Variants in CDK5RAP2 observed in about 807,000 individuals in gnomAD.
CDK5RAP2 encodes the protein CDK5 regulatory subunit-associated protein 2.
A neutral mutation model predicts 232.9 loss-of-function variants in CDK5RAP2; 147 were observed. The observed-to-expected ratio is 0.63, with a 90% confidence interval of 0.55 to 0.72. CDK5RAP2 has a LOEUF of 0.72. Ranked by LOEUF, CDK5RAP2 falls within the 30% of genes least tolerant of loss-of-function variation. The probability of loss-of-function intolerance (pLI) is 0.00; values close to 1 mark genes in which losing one functional copy is unlikely to be tolerated. For missense variants in CDK5RAP2, 2,195 were observed against 2,231.5 expected, an observed-to-expected ratio of 0.98 and a Z score of 0.33; for synonymous variants, 833 against 833.7, an observed-to-expected ratio of 1.00 and a Z score of 0.01.
At chr9:120,566,483 A>C (rs1315024016) in intron 3 of CDK5RAP2, among the ~76,000 whole-genome samples, 18 of 152,228 alleles carry the variant, frequency 1.2e-4, no homozygotes, top group Admixed American at 1.2e-3. Context: ...GTCATCAAGA[A>C]CACATCTGAA....
intron 25 of CDK5RAP2, among the ~76,000 whole-genome samples, chr9:120,427,310 T>C (rs1009023964): frequency 6.6e-6 from 1 of 152,242 alleles, no homozygotes; most frequent in African/African-American, 2.4e-5. Context: ...CAAATTTGCA[T>C]TGTGCCACAT....
intron 11 of CDK5RAP2, among the ~76,000 whole-genome samples, chr9:120,520,658 A>C (rs12377114): frequency 0.17 from 26,124 of 150,990 alleles, 2,330 homozygotes; most frequent in Middle Eastern, 0.25. Context: ...ATATATATAT[A>C]TCTCTCTCTC....
chr9:120,394,329 G>GGT (rs1360317322), intron 36 of CDK5RAP2, among the ~76,000 whole-genome samples, 183 bp downstream of exon 36: 1 of 152,142 alleles, frequency 6.6e-6, no homozygotes, highest in Non-Finnish European at 1.5e-5. Context: ...GCTCTACAAA[G>GGT]GTGTGTTAAG....
intron 12 of CDK5RAP2, among the ~76,000 whole-genome samples, chr9:120,514,190 G>A (rs1014979666): frequency 2.6e-5 from 4 of 152,230 alleles, no homozygotes; most frequent in Non-Finnish European, 4.4e-5. Context: ...TGTAAAGGTA[G>A]TCACGATGAG....
chr9:120,408,144 G>A, intron 31 of CDK5RAP2: 1 of 654,882 alleles, frequency 1.5e-6, no homozygotes. Context: ...GCTGGCCTGG[G>A]TGCTGAGCCT....
At position 120,521,180 on chromosome 9, in the gene CDK5RAP2, T is replaced by C. The variant is rs568435940; in HGVS notation, c.1093-2535A>G. Reference sequence around the variant, plus strand: ...CAAGAATTTGAAAAACAGACCAAAGTACTCTGTTTTTGTCCAAATACCACC... The same window carrying C: ...CAAGAATTTGAAAAACAGACCAAAGCACTCTGTTTTTGTCCAAATACCACC... On this transcript the variant is annotated intron_variant, in intron 11 of 37. Transcript: ENST00000349780. Among the ~76,000 whole-genome samples, 4 of 152,280 alleles carry C rather than the reference T, an allele frequency of 2.6e-5. No homozygotes were observed. The South Asian group carries it at 8.3e-4, about 32-fold the overall frequency.
intron 18 of CDK5RAP2, among the ~76,000 whole-genome samples, chr9:120,466,187 C>T (rs1287030446): frequency 6.6e-6 from 1 of 152,194 alleles, no homozygotes; most frequent in East Asian, 1.9e-4. Flanking sequence ...AGTCATGCTG[C>T]TTGGGAAATG....
At chr9:120,504,187 G>C (rs1454691289) in intron 12 of CDK5RAP2, among the ~76,000 whole-genome samples, 2 of 152,108 alleles carry the variant, frequency 1.3e-5, no homozygotes, top group African/African-American at 2.4e-5. Flanking sequence ...TTTGGGAAAA[G>C]GGAGGGTGTG....
chr9:120,513,948 T>C (rs1164792946), intron 12 of CDK5RAP2, among the ~76,000 whole-genome samples: 1 of 152,196 alleles, frequency 6.6e-6, no homozygotes, highest in Middle Eastern at 3.2e-3. Context: ...GCTCCACCTG[T>C]ACATTTATCC....
intron 12 of CDK5RAP2, among the ~76,000 whole-genome samples, chr9:120,504,631 G>A (rs1021324323): frequency 3.9e-5 from 6 of 152,118 alleles, no homozygotes; most frequent in Admixed American, 2.6e-4. Flanking sequence ...TGATCATTAC[G>A]TCTCTGCTCG....
At chr9:120,530,326 T>G (rs1245365671) in intron 7 of CDK5RAP2, among the ~76,000 whole-genome samples, 186 bp from the exon 8 acceptor site, 1 of 152,166 alleles carries the variant, frequency 6.6e-6, no homozygotes, top group African/African-American at 2.4e-5. Context: ...ACTGGTCCCC[T>G]GCCTGCCTCC....
intron 36 of CDK5RAP2, among the ~76,000 whole-genome samples, chr9:120,393,051 C>T (rs1394202471): frequency 6.6e-6 from 1 of 152,200 alleles, no homozygotes; most frequent in Non-Finnish European, 1.5e-5. Context: ...TAAGCATGTC[C>T]CTGAGCACTC....
chr9:120,440,173 T>C (rs1415314632), intron 23 of CDK5RAP2: 4 of 606,924 alleles, frequency 6.6e-6, no homozygotes, highest in Non-Finnish European at 2.9e-6. Context: ...GCCCTAGTCT[T>C]TCCCTCTTTA....
chr9:120,408,813 C>T (rs2033656839), intron 30 of CDK5RAP2, among the ~76,000 whole-genome samples: 2 of 152,260 alleles, frequency 1.3e-5, no homozygotes, highest in Admixed American at 1.3e-4. Flanking sequence ...GCCCATTCTG[C>T]CTGAAATGAT....
intron 25 of CDK5RAP2, among the ~76,000 whole-genome samples, chr9:120,434,523 G>A (rs2035462951): frequency 6.6e-6 from 1 of 152,308 alleles, no homozygotes; most frequent in South Asian, 2.1e-4. Flanking sequence ...ATGCACTACA[G>A]TGAGACAAGG....
At chr9:120,468,124 CTAG>C in intron 17 of CDK5RAP2, 127 bp from the exon 18 acceptor site, 7 of 887,864 alleles carry the variant, frequency 7.9e-6, no homozygotes, top group Non-Finnish European at 1.3e-5. Context: ...CAGGCTGATT[CTAG>C]CCCTCAGGAT....
chr9:120,489,548 T>G (rs1028349358), intron 13 of CDK5RAP2, among the ~76,000 whole-genome samples: 1 of 152,156 alleles, frequency 6.6e-6, no homozygotes. Flanking sequence ...TTTATTTGTT[T>G]AGTTCTATTT....
At chr9:120,428,473 A>G (rs1248281370) in intron 25 of CDK5RAP2, among the ~76,000 whole-genome samples, 2 of 152,238 alleles carry the variant, frequency 1.3e-5, no homozygotes, top group Non-Finnish European at 2.9e-5. Context: ...AGAATACTAC[A>G]AACACCTCTA....
intron 1 of CDK5RAP2, among the ~76,000 whole-genome samples, chr9:120,575,533 G>T (rs1353511277): frequency 6.6e-6 from 1 of 152,104 alleles, no homozygotes. Flanking sequence ...ATGTCTCCTT[G>T]ACAAATTGTT....
Sources: gnomAD v4.1 joint callset for allele counts (sites outside exome capture counted in the v4.1 genomes callset) on GRCh38, gnomAD v4.1.1 for gene constraint, MANE v1.5 for transcripts, NCBI Gene and HGNC (gene_info 2026-07-23, HGNC 2026-07-21) for gene names.